WWOX: variants seen among roughly 807,000 people sequenced by gnomAD.
WWOX encodes the protein WW domain containing oxidoreductase.
WWOX carries 69 observed loss-of-function variants against 46.2 expected under a neutral mutation model. The observed-to-expected ratio is 1.49, with a 90% CI of 1.23 to 1.82. The LOEUF is 1.82. Ranked by LOEUF, WWOX falls within the 40% of genes most tolerant of loss-of-function variation. The pLI is 0.00. For missense variants in WWOX, 919 were observed against 542.6 expected (o/e 1.69, Z -6.89); for synonymous variants, 359 against 202.6 (o/e 1.77, Z -6.56).
At chr16:78,868,955 C>T (rs140561645) in intron 8 of WWOX, among the ~76,000 whole-genome samples, 144 of 152,124 alleles carry the variant, frequency 9.5e-4, no homozygotes, top group South Asian at 2.5e-3. Context: ...CCATACACAC[C>T]CATGTACACA....
intron 8 of WWOX, among the ~76,000 whole-genome samples, chr16:78,804,390 G>C (rs2050973706): frequency 6.6e-6 from 1 of 151,290 alleles, no homozygotes; most frequent in Non-Finnish European, 1.5e-5. Context: ...AGCTCTTGGA[G>C]GTAGGAAAAA....
intron 8 of WWOX, among the ~76,000 whole-genome samples, chr16:78,557,458 A>G (rs976963046): frequency 6.6e-6 from 1 of 152,124 alleles, no homozygotes; most frequent in Non-Finnish European, 1.5e-5. Flanking sequence ...GATACATCCA[A>G]AAACAAGCAG....
chr16:78,838,910 G>C lies in WWOX; in HGVS notation c.1057-372698G>C, dbSNP rs56032748. On this transcript the variant is annotated intron_variant, in intron 8 of 8. Transcript: ENST00000566780. ...TGATTGCCAGGGACTGGAGAGGAGTGGGGGGTGAGTGGGAACCAGAGTGGA... is the reference window on the plus strand; with the variant it reads ...TGATTGCCAGGGACTGGAGAGGAGTCGGGGGTGAGTGGGAACCAGAGTGGA... Among the ~76,000 whole-genome samples, 769 of 152,210 alleles carry C rather than the reference G, an allele frequency of 5.1e-3. 6 individuals are homozygous for C. Among genetic ancestry groups the C allele is most frequent in the African/African-American group, 0.018 (732 of 41,544 alleles).
At chr16:78,562,050 G>A (rs996346107) in intron 8 of WWOX, among the ~76,000 whole-genome samples, 13 of 152,254 alleles carry the variant, frequency 8.5e-5, no homozygotes, top group African/African-American at 2.9e-4. Context: ...TTTTAGCCCC[G>A]TGGAGGCATA....
intron 8 of WWOX, among the ~76,000 whole-genome samples, chr16:78,707,875 AAATAAATAAATAAAGT>A (rs1597471964): frequency 1.3e-5 from 2 of 150,780 alleles, no homozygotes; most frequent in African/African-American, 4.9e-5. Flanking sequence ...ATAAATAAAT[AAATAAATAAATAAAGT>A]ATCTGTCCCC....
At chr16:78,930,594 AC>A (rs2045603130) in intron 8 of WWOX, among the ~76,000 whole-genome samples, 1 of 135,104 alleles carries the variant, frequency 7.4e-6, no homozygotes, top group Non-Finnish European at 1.7e-5. Flanking sequence ...CCAGGCAAGG[AC>A]TTTTTTTTTT....
chr16:79,132,846 C>G (rs2049908304), intron 8 of WWOX, among the ~76,000 whole-genome samples: 1 of 152,160 alleles, frequency 6.6e-6, no homozygotes. Context: ...AGAGAAACAG[C>G]TTTAATTCTT....
At chr16:78,880,864 C>T (rs1391127737) in intron 8 of WWOX, among the ~76,000 whole-genome samples, 1 of 152,002 alleles carries the variant, frequency 6.6e-6, no homozygotes, top group Non-Finnish European at 1.5e-5. Context: ...AAATGCTCTG[C>T]CTTCTTGTCT....
At chr16:78,484,811 C>G (rs1177332217) in intron 8 of WWOX, among the ~76,000 whole-genome samples, 13 of 151,958 alleles carry the variant, frequency 8.6e-5, no homozygotes, top group Non-Finnish European at 1.5e-5. Flanking sequence ...AGTCGAGGTT[C>G]TGGAAGATGG....
chr16:78,345,975 C>T lies in WWOX; in HGVS notation c.517-40885C>T, dbSNP rs1395257509. 1.7e-5 allele frequency among the ~76,000 whole-genome samples: 2 copies of T among 119,942 alleles called. 1 individual carries two copies. Among genetic ancestry groups the T allele is most frequent in the Non-Finnish European group, 4.0e-5 (2 of 50,400 alleles). 78.7% of individuals were successfully genotyped at this position (119,942 alleles called of 152,430 possible). On this transcript the variant is annotated intron_variant, in intron 5 of 8. Transcript: ENST00000566780. ...CAACACGAAAATAAAAAAAATAGAA[C>T]ATTTACATCACCTCAAAAAGATTTC...
intron 5 of WWOX, among the ~76,000 whole-genome samples, chr16:78,247,196 G>A (rs919769095): frequency 1.3e-5 from 2 of 152,082 alleles, no homozygotes; most frequent in African/African-American, 4.8e-5. Flanking sequence ...CCAAGAGGGG[G>A]TGTGATGGGT....
chr16:79,122,411 G>C (rs75137090), intron 8 of WWOX, among the ~76,000 whole-genome samples: 7,337 of 152,240 alleles, frequency 0.048, 604 homozygotes, highest in African/African-American at 0.17. Flanking sequence ...GAGAAAAGGA[G>C]TGTGGAAAAG....
intron 5 of WWOX, among the ~76,000 whole-genome samples, chr16:78,230,034 C>T (rs1200298125): frequency 6.6e-6 from 1 of 152,088 alleles, no homozygotes; most frequent in Non-Finnish European, 1.5e-5. Flanking sequence ...TGCATGCCAC[C>T]ACACCCAGCT....
At chr16:78,507,288 G>T (rs1459889084) in intron 8 of WWOX, among the ~76,000 whole-genome samples, 1 of 152,150 alleles carries the variant, frequency 6.6e-6, no homozygotes, top group Non-Finnish European at 1.5e-5. Flanking sequence ...CCATAGATTG[G>T]ACTTCACATT....
At chr16:79,154,364 T>A (rs1482611300) in intron 8 of WWOX, among the ~76,000 whole-genome samples, 2 of 152,208 alleles carry the variant, frequency 1.3e-5, no homozygotes, top group African/African-American at 2.4e-5. Flanking sequence ...TTCTCTGTTC[T>A]CTGTGACTCT....
At chr16:78,926,352 G>C (rs1433908157) in intron 8 of WWOX, among the ~76,000 whole-genome samples, 1 of 143,044 alleles carries the variant, frequency 7.0e-6, no homozygotes, top group African/African-American at 2.7e-5. Context: ...CAGCGTGGGT[G>C]ACAGTGAGAC....
At chr16:78,758,538 C>G (rs1032430850) in intron 8 of WWOX, among the ~76,000 whole-genome samples, 2 of 152,244 alleles carry the variant, frequency 1.3e-5, no homozygotes, top group Non-Finnish European at 2.9e-5. Context: ...CGTAACGCCA[C>G]TATCTATACT....
At chr16:78,904,131 C>G (rs2044898622) in intron 8 of WWOX, among the ~76,000 whole-genome samples, 1 of 151,538 alleles carries the variant, frequency 6.6e-6, no homozygotes, top group Non-Finnish European at 1.5e-5. Flanking sequence ...AGTTATTAAA[C>G]TAGCAACAGA....
intron 6 of WWOX, among the ~76,000 whole-genome samples, chr16:78,422,027 A>G (rs2082945781): frequency 6.6e-6 from 1 of 152,222 alleles, no homozygotes; most frequent in Admixed American, 6.5e-5. Flanking sequence ...ATTTGATAGA[A>G]AATATTTTAA....
Sources: allele counts gnomAD v4.1 joint callset (sites outside exome capture counted in the v4.1 genomes callset), GRCh38; gene constraint gnomAD v4.1.1; transcripts MANE v1.5; gene names NCBI Gene and HGNC (gene_info 2026-07-23, HGNC 2026-07-21).